The following TAF2 variants were observed in gnomAD, a reference collection of about 807,000 sequenced individuals.
TAF2 encodes TATA-box binding protein associated factor 2, also known as transcription initiation factor TFIID subunit 2.
A neutral mutation model predicts 138.5 loss-of-function variants in TAF2; 61 were observed. The observed-to-expected ratio is 0.44, with a 90% CI of 0.36 to 0.54. TAF2 has a LOEUF of 0.54. TAF2 is among the 20% of genes least tolerant of loss of function. TAF2 has a pLI of 0.00. For missense variants in TAF2, 1,090 were observed against 1,427.9 expected, an observed-to-expected ratio of 0.76 and a Z score of 3.81; for synonymous variants, 475 against 469.9, an observed-to-expected ratio of 1.01 and a Z score of -0.14.
intron 17 of TAF2, among the ~76,000 whole-genome samples, chr8:119,778,873 T>G (rs1346445043): frequency 6.6e-6 from 1 of 152,204 alleles, no homozygotes; most frequent in Non-Finnish European, 1.5e-5. Flanking sequence ...TACAGATGCA[T>G]AGACATCTCA....
At chr8:119,795,711 T>A (rs962993660) in intron 8 of TAF2, 80 bp from the exon 9 acceptor site, 3 of 1,247,612 alleles carry the variant, frequency 2.4e-6, no homozygotes, top group Admixed American at 3.5e-5. Context: ...ACGGAATAAG[T>A]GTAGTGTGTA....
intron 18 of TAF2, among the ~76,000 whole-genome samples, chr8:119,777,763 T>C (rs557091595): frequency 6.6e-6 from 1 of 152,316 alleles, no homozygotes; most frequent in East Asian, 1.9e-4. Context: ...TGTACTACTC[T>C]CTCCACACTA....
At chr8:119,739,444 C>T (rs1424889257) in intron 25 of TAF2, among the ~76,000 whole-genome samples, 6 of 152,072 alleles carry the variant, frequency 3.9e-5, no homozygotes, top group African/African-American at 1.4e-4. Flanking sequence ...TAATCTAACA[C>T]CCACATATGA....
At chr8:119,812,626 G>T (rs745463309) in intron 3 of TAF2, among the ~76,000 whole-genome samples, 5 of 152,018 alleles carry the variant, frequency 3.3e-5, no homozygotes, top group Non-Finnish European at 7.4e-5. Flanking sequence ...TTCCATTTCC[G>T]AGTTACTTCA....
At chr8:119,751,161 A>T (rs1340292123) in intron 22 of TAF2, among the ~76,000 whole-genome samples, 2 of 152,168 alleles carry the variant, frequency 1.3e-5, no homozygotes, top group African/African-American at 4.8e-5. Flanking sequence ...TCAGTATCTT[A>T]CTTGAAGCTA....
intron 16 of TAF2, among the ~76,000 whole-genome samples, chr8:119,783,178 T>C (rs1822790716): frequency 6.6e-6 from 1 of 152,230 alleles, no homozygotes; most frequent in South Asian, 2.1e-4. Flanking sequence ...ATTTTGACAA[T>C]TATAAAATTA....
At chr8:119,763,930 C>G (rs985226627) in intron 18 of TAF2, among the ~76,000 whole-genome samples, 1 of 151,994 alleles carries the variant, frequency 6.6e-6, no homozygotes, top group African/African-American at 2.4e-5. Context: ...GCTGGCAGAT[C>G]ATGAGGTCAG....
intron 24 of TAF2, 107 bp from the exon 25 acceptor site, chr8:119,742,763 T>A (rs1819687432): frequency 2.8e-6 from 4 of 1,429,224 alleles, no homozygotes; most frequent in Non-Finnish European, 3.8e-6. Context: ...CAGAAGCAAT[T>A]CATCCACAGT....
chr8:119,786,793 G>C (rs1823041526), intron 14 of TAF2, among the ~76,000 whole-genome samples: 2 of 152,064 alleles, frequency 1.3e-5, no homozygotes, highest in African/African-American at 4.8e-5. Context: ...GTGGTGGCAG[G>C]CACCTGTAAT....
intron 24 of TAF2, among the ~76,000 whole-genome samples, chr8:119,742,880 A>C (rs1179571539): frequency 6.6e-6 from 1 of 151,894 alleles, no homozygotes; most frequent in Admixed American, 6.6e-5. Flanking sequence ...CCAGGAGTTC[A>C]AGACCAGCCT....
rs750451843 is a variant in TAF2 at position 119,762,442 on chromosome 8, G to C, written c.2531C>G (p.Pro844Arg). 1 of 1,613,772 alleles carries C rather than the reference G, an allele frequency of 6.2e-7. No individual in the cohort carries two copies. The highest frequency in any genetic ancestry group is 2.2e-5 in the East Asian group (1 of 44,822). The change falls in exon 19 of 26, where the codon CCG becomes CGG. Residue 844 changes from proline (P) to arginine (R), a missense_variant. Physicochemically the swap from Pro to Arg is moderately radical, Grantham distance 103. Coordinates refer to ENST00000378164, the MANE Select transcript of TAF2 (RefSeq NM_003184.4). Reference protein sequence around the residue: ...TRFLNMEKLLPSYRHTITVSC... With the variant: ...TRFLNMEKLLRSYRHTITVSC... ...GACAGTGATGGTATGCCTGTAACTCGGAAGAAGTTTTTCCATATTCAAAAA... is the reference window on the plus strand; with the variant it reads ...GACAGTGATGGTATGCCTGTAACTCCGAAGAAGTTTTTCCATATTCAAAAA...
At chr8:119,794,725 T>C (rs910464953) in intron 9 of TAF2, among the ~76,000 whole-genome samples, 1 of 152,214 alleles carries the variant, frequency 6.6e-6, no homozygotes, top group African/African-American at 2.4e-5. Context: ...TTTGTTCTTC[T>C]TCTTTAATAG....
Position 119,811,307 on chromosome 8 carries a change from A to AT in TAF2, c.300-4907dup, listed in dbSNP as rs200860013. On this transcript the variant is annotated intron_variant, in intron 3 of 25. Transcript: ENST00000378164. Reference sequence around the variant, plus strand: ...CTGCCTCTTAAAACTATAGATGCAGATTTTATAAAACTTCAGTTTCAATTA... The same window carrying AT: ...CTGCCTCTTAAAACTATAGATGCAGATTTTTATAAAACTTCAGTTTCAATTA... 9.0e-3 allele frequency among the ~76,000 whole-genome samples: 1,376 copies of AT among 152,350 alleles called. 20 individuals are homozygous for AT. Among genetic ancestry groups the AT allele is most frequent in the African/African-American group, 0.032 (1,312 of 41,574 alleles).
Position 119,742,675 on chromosome 8 carries a change from GAA to G in TAF2, c.3215-21_3215-20del. ...GAGAGCCCTAAAATGCCAAACAAGA[GAA>G]AAAAGAGGGATTTATTTCTTTGTTT... is the stretch of plus-strand genomic sequence containing the variant. On this transcript the variant is annotated intron_variant, in intron 24 of 25. Coordinates refer to ENST00000378164, the MANE Select transcript of TAF2 (RefSeq NM_003184.4). 6.2e-7 allele frequency: 1 copy of G among 1,611,238 alleles called. No individual in the cohort carries two copies. Among genetic ancestry groups the G allele is most frequent in the Non-Finnish European group, 8.5e-7 (1 of 1,178,912 alleles).
chr8:119,772,483 A>G (rs1349998937), intron 18 of TAF2, among the ~76,000 whole-genome samples: 3 of 152,308 alleles, frequency 2.0e-5, no homozygotes, highest in African/African-American at 7.2e-5. Flanking sequence ...AGGGTTGAAA[A>G]ATTACCTATT....
intron 17 of TAF2, 150 bp from the exon 18 acceptor site, chr8:119,778,279 T>G (rs1260566051): frequency 1.8e-6 from 1 of 570,604 alleles, no homozygotes; most frequent in Non-Finnish European, 3.1e-6. Flanking sequence ...CCCCTCCCAC[T>G]GACAACATAT....
chr8:119,818,478 G>T (rs559521772), intron 3 of TAF2, among the ~76,000 whole-genome samples: 1 of 152,080 alleles, frequency 6.6e-6, no homozygotes, highest in African/African-American at 2.4e-5. Flanking sequence ...AAAAGCAAGT[G>T]CCCTCAACTG....
chr8:119,746,796 T>G lies in TAF2; in HGVS notation c.3017A>C (p.Asn1006Thr). 6.2e-7 allele frequency: 1 copy of G among 1,614,166 alleles called. No homozygotes were observed. Among genetic ancestry groups the G allele is most frequent in the Non-Finnish European group, 8.5e-7 (1 of 1,180,014 alleles). The change falls in exon 23 of 26, where the codon AAT (asparagine) becomes ACT (threonine). Residue 1006 changes from asparagine to threonine, a missense_variant. This residue lies in a region of TAF2 where 580 missense variants were observed against 719.6 expected (regional missense o/e 0.81). Coordinates refer to ENST00000378164, the MANE Select transcript of TAF2 (RefSeq NM_003184.4). ...TACTGACTCTGGAATTATGGTAGGA[T>G]TCAAGACAGCTTTTTTCTCCTTTAG... ...LNLKEKKAVLNPTIIPESVAG... is the reference protein window; with the variant it reads ...LNLKEKKAVLTPTIIPESVAG...
chr8:119,766,817 G>C (rs970313393), intron 18 of TAF2, among the ~76,000 whole-genome samples: 2 of 152,022 alleles, frequency 1.3e-5, no homozygotes, highest in Admixed American at 1.3e-4. Flanking sequence ...CTGGGCAGGA[G>C]AGCAAGACTC....
Sources: gnomAD v4.1 joint callset for allele counts (sites outside exome capture counted in the v4.1 genomes callset) on GRCh38, gnomAD v4.1.1 for gene constraint, gnomAD v4.1.1 regional missense constraint, MANE v1.5 for transcripts, NCBI Gene and HGNC (gene_info 2026-07-23, HGNC 2026-07-21) for gene names.